The following EP400 variants were observed in gnomAD, a reference collection of about 807,000 sequenced individuals.
The protein encoded by EP400 is E1A-binding protein p400.
Under a neutral mutation model 354.1 loss-of-function variants are expected in EP400, and 105 were observed. The ratio of observed to expected loss-of-function variants is 0.30; its 90% confidence interval spans 0.25 to 0.35. The LOEUF is 0.35. Ranked by LOEUF, EP400 falls within the 10% of genes least tolerant of loss-of-function variation. The pLI, the probability that EP400 is intolerant of heterozygous loss-of-function variation, is 1.00. For missense variants in EP400, 3,280 were observed against 4,121.0 expected, an observed-to-expected ratio of 0.80 and a Z score of 5.59; for synonymous variants, 1,646 against 1,716.9, an observed-to-expected ratio of 0.96 and a Z score of 1.02.
chr12:132,030,177 A>T lies in EP400; in HGVS notation c.5754+19A>T, dbSNP rs748113114. 8 of 1,613,628 alleles carry T rather than the reference A, an allele frequency of 5.0e-6. No individual in the cohort carries two copies. In the East Asian group the frequency reaches 1.6e-4, roughly 31 times the overall value. Reference sequence around the variant, plus strand: ...ACGGCAGGTGAGAAGCACATTGTTTACATTGTCTCTGATGGGTCAGTCACT... The same window carrying T: ...ACGGCAGGTGAGAAGCACATTGTTTTCATTGTCTCTGATGGGTCAGTCACT... On this transcript the variant is annotated intron_variant, in intron 29 of 52. Transcript: ENST00000389561.
At chr12:132,069,160 C>T (rs1182835231) in intron 50 of EP400, 1 of 294,346 alleles carries the variant, frequency 3.4e-6, no homozygotes, top group Non-Finnish European at 6.4e-6. Flanking sequence ...CTTTCAGTCA[C>T]CTAAGTAGCA....
chr12:131,952,627 T>A (rs185477478), intron 1 of EP400, among the ~76,000 whole-genome samples: 42 of 152,268 alleles, frequency 2.8e-4, no homozygotes, highest in Admixed American at 4.6e-4. Context: ...TAATTTTTGA[T>A]TTTTTGTAGA....
chr12:132,026,438 T>C (rs1315935868), intron 25 of EP400, among the ~76,000 whole-genome samples: 1 of 152,178 alleles, frequency 6.6e-6, no homozygotes, highest in Non-Finnish European at 1.5e-5. Flanking sequence ...GGTGGGTCAC[T>C]GCCAACCTGT....
rs896823864 is a variant in EP400, at chr12:132,079,405, C to T, written c.*1732C>T. 3.3e-5 allele frequency: 5 copies of T among 152,298 alleles called. No homozygotes were observed. In the South Asian group the frequency reaches 1.0e-3, roughly 31 times the overall value. 9.4% of individuals were successfully genotyped at this position (152,298 alleles called of 1,614,324 possible). Reference sequence around the variant, plus strand: ...GCGCAGCTTGCCGGAGGGAGGGCCGCTGTGTGCGCCTCACATCTGGCTCCC... The same window carrying T: ...GCGCAGCTTGCCGGAGGGAGGGCCGTTGTGTGCGCCTCACATCTGGCTCCC... On this transcript the variant is annotated 3_prime_UTR_variant, in exon 53 of 53. Coordinates refer to ENST00000389561, the MANE Select transcript of EP400 (RefSeq NM_015409.5).
rs1894778883 is a variant in EP400 at position 132,038,206 on chromosome 12, A to G, written c.6207+110A>G. The G allele has an allele frequency of 7.1e-7, 1 of 1,412,368 alleles. No individual in the cohort carries two copies. Among genetic ancestry groups the G allele is most frequent in the African/African-American group, 1.4e-5 (1 of 70,056 alleles). The allele number at this position is 1,412,368 out of a possible 1,614,324, so 87.5% of individuals were successfully genotyped here. A position where few individuals can be genotyped will look rare whatever the true frequency, so the allele number is the denominator to read the frequency against. ...CAGTCCCCACTCTTCCCTGGCCTGA[A>G]GCCCTCTTCCCGTCCCTGCTTTTGG... is the stretch of plus-strand genomic sequence containing the variant. On this transcript the variant is annotated intron_variant, in intron 32 of 52. Coordinates refer to ENST00000389561, the MANE Select transcript of EP400 (RefSeq NM_015409.5). This position sits in a 1 kb window ranked among gnomAD's most constrained non-coding sequence, Gnocchi z 4.2.
intron 45 of EP400, among the ~76,000 whole-genome samples, chr12:132,056,860 G>A (rs530312373): frequency 6.6e-6 from 1 of 152,318 alleles, no homozygotes; most frequent in Admixed American, 6.5e-5. Context: ...ACAAGCAACT[G>A]TATAAAATGG....
chr12:131,996,082 T>C (rs1386612047), intron 12 of EP400, among the ~76,000 whole-genome samples: 1 of 152,232 alleles, frequency 6.6e-6, no homozygotes, highest in Non-Finnish European at 1.5e-5. Flanking sequence ...GGTGTTGCTA[T>C]CAGTGTCTTT....
At chr12:132,064,924 T>C (rs1895840139) in intron 48 of EP400, 38 bp downstream of exon 48, 17 of 1,558,870 alleles carry the variant, frequency 1.1e-5, no homozygotes, top group Non-Finnish European at 1.5e-5. Flanking sequence ...AAAAGCAGCA[T>C]CTTTTTATGT....
At chr12:131,983,125 G>A (rs1445389925) in intron 5 of EP400, among the ~76,000 whole-genome samples, 6 of 152,162 alleles carry the variant, frequency 3.9e-5, no homozygotes, top group African/African-American at 7.2e-5. Context: ...AGGTGGCAGC[G>A]ACCCATTCTA....
intron 41 of EP400, 55 bp from the exon 42 acceptor site, chr12:132,053,091 C>T (rs1895359046): frequency 6.3e-7 from 1 of 1,581,954 alleles, no homozygotes; most frequent in African/African-American, 1.3e-5. Context: ...GTACGTGGTA[C>T]TTGTCTGTCT....
chr12:132,014,511 T>C (rs1235718631), intron 19 of EP400, among the ~76,000 whole-genome samples: 3 of 152,154 alleles, frequency 2.0e-5, no homozygotes, highest in Non-Finnish European at 4.4e-5. Flanking sequence ...GTGCATGGTT[T>C]TGGTCTGTCA....
Position 132,020,042 on chromosome 12 carries a change from C to A in EP400, c.4278-7C>A. The A allele has an allele frequency of 6.6e-7, 1 of 1,526,636 alleles. No homozygotes were observed. 94.6% of individuals were successfully genotyped at this position (1,526,636 alleles called of 1,614,324 possible). ...GTATCTTCTTGCCTGGACCAATGGGCATCTAGGTTGTTTCAGCCTGTGCAG... is the reference window on the plus strand; with the variant it reads ...GTATCTTCTTGCCTGGACCAATGGGAATCTAGGTTGTTTCAGCCTGTGCAG... On this transcript the variant is annotated splice_region_variant and splice_polypyrimidine_tract_variant and intron_variant, in intron 21 of 52. Coordinates refer to ENST00000389561, the MANE Select transcript of EP400 (RefSeq NM_015409.5).
At position 132,064,708 on chromosome 12, in the gene EP400, C is replaced by T. The variant is rs201541382; in HGVS notation, c.8375C>T (p.Pro2792Leu). 3.2e-5 allele frequency: 52 copies of T among 1,613,326 alleles called. No homozygotes were observed. The highest frequency in any genetic ancestry group is 3.3e-4 in the Middle Eastern group (2 of 6,060). Residue 2792 changes from proline to leucine, a missense_variant, in exon 48 of 53, where the codon CCC (proline) becomes CTC (leucine). Pro to Leu is a moderately conservative substitution (Grantham distance 98). Coordinates refer to ENST00000389561, the MANE Select transcript of EP400 (RefSeq NM_015409.5). ...ATGCAGAAGCAGAAACTGCAGATGC[C>T]CCCGCAGCCCCCACCGCCACAGGCC... ...IKMQKQKLQM[P>L]PQPPPPQAQS... is the part of the protein sequence containing the mutation.
At position 131,970,581 on chromosome 12, in the gene EP400, C is replaced by T. The variant is rs143172873; in HGVS notation, c.1335+8627C>T. Among the ~76,000 whole-genome samples, 23 of 152,282 alleles carry T rather than the reference C, an allele frequency of 1.5e-4. No homozygotes were observed. In the East Asian group the frequency reaches 4.2e-3, roughly 28 times the overall value. On this transcript the variant is annotated intron_variant, in intron 2 of 52. Transcript: ENST00000389561. ...TGGCCACAGAATGGATGGGCTGTGT[C>T]CTAGAGGAGTACTAATAGAGCACCC...
At chr12:131,991,755 T>C (rs557158541) in intron 10 of EP400, among the ~76,000 whole-genome samples, 1 of 151,954 alleles carries the variant, frequency 6.6e-6, no homozygotes, top group South Asian at 2.1e-4. Context: ...TAATTTTTTT[T>C]TTTTGTATTT....
Position 132,064,712 on chromosome 12 carries a change from G to T in EP400, c.8379G>T (p.Pro2793=), listed in dbSNP as rs370798410. 3 of 1,613,464 alleles carry T rather than the reference G, an allele frequency of 1.9e-6. No homozygotes were observed. The highest frequency in any genetic ancestry group is 2.2e-5 in the South Asian group (2 of 91,050). The part of the protein sequence containing the change: ...KMQKQKLQMP[P]QPPPPQAQSA... ...AGAAGCAGAAACTGCAGATGCCCCCGCAGCCCCCACCGCCACAGGCCCAGT... is the reference window on the plus strand; with the variant it reads ...AGAAGCAGAAACTGCAGATGCCCCCTCAGCCCCCACCGCCACAGGCCCAGT... The change falls in exon 48 of 53, where the codon CCG becomes CCT. Residue 2793 remains proline (P), a synonymous_variant. Transcript: ENST00000389561.
At chr12:132,002,299 G>A (rs1049263684) in intron 12 of EP400, among the ~76,000 whole-genome samples, 6 of 152,090 alleles carry the variant, frequency 3.9e-5, no homozygotes, top group Non-Finnish European at 7.4e-5. Context: ...TTTCTCACCT[G>A]TTCTTTAGTC....
intron 22 of EP400, 26 bp from the exon 23 acceptor site, chr12:132,021,053 G>T: frequency 6.4e-7 from 1 of 1,565,042 alleles, no homozygotes; most frequent in Non-Finnish European, 8.6e-7. Flanking sequence ...TAACAGCTTT[G>T]CACAAACAAA....
At chr12:132,005,040 A>T in intron 12 of EP400, 37 bp from the exon 13 acceptor site, 1 of 1,481,248 alleles carries the variant, frequency 6.8e-7, no homozygotes, top group South Asian at 1.2e-5. Flanking sequence ...AGTTGTTGTT[A>T]TAAAGTAACA....
Sources: allele counts gnomAD v4.1 joint callset (sites outside exome capture counted in the v4.1 genomes callset), GRCh38; gene constraint gnomAD v4.1.1; non-coding constraint Gnocchi (gnomAD v3.1); transcripts MANE v1.5; gene names NCBI Gene and HGNC (gene_info 2026-07-23, HGNC 2026-07-21).